GEMIN8: variants seen among roughly 807,000 people sequenced by gnomAD.
GEMIN8 encodes gem-associated protein 8.
For missense variants in GEMIN8, 185 were observed against 205.9 expected (o/e 0.90, Z 0.62); for synonymous variants, 80 against 78.5 (o/e 1.02, Z -0.10).
chrX:14,017,807 C>T, intron 4 of GEMIN8, among the ~76,000 whole-genome samples: 1 of 112,339 alleles, frequency 8.9e-6, no homozygotes, highest in Non-Finnish European at 1.9e-5. Context: ...AATGACCTCA[C>T]TTAACCTCAA....
At chrX:13,984,192 G>A in the GEMIN8 span, among the ~76,000 whole-genome samples, 3 of 111,508 alleles carry the variant, frequency 2.7e-5, no homozygotes, top group African/African-American at 6.5e-5. Flanking sequence ...AGATGAGAAC[G>A]TGGCTCAGCT....
chrX:14,014,422 G>C (rs1205718454), intron 4 of GEMIN8: 1 of 750,581 alleles, frequency 1.3e-6, no homozygotes, highest in Non-Finnish European at 1.6e-6. Flanking sequence ...TGAAGTTACT[G>C]GACAACCGCC....
chrX:14,006,120 C>T (rs991882165), downstream of GEMIN8, among the ~76,000 whole-genome samples: 1 of 108,863 alleles, frequency 9.2e-6, no homozygotes, highest in Admixed American at 9.8e-5. Flanking sequence ...CCTCTGCCTC[C>T]TGGGTTCAAG....
the GEMIN8 span, among the ~76,000 whole-genome samples, chrX:13,986,911 T>C: frequency 3.5e-5 from 4 of 112,700 alleles, no homozygotes; most frequent in African/African-American, 6.4e-5. Context: ...TTCACTAGGC[T>C]CTATTGAAAT....
intron 1 of GEMIN8, among the ~76,000 whole-genome samples, chrX:14,027,703 GTTTAA>G (rs1454643214): frequency 8.9e-6 from 1 of 112,207 alleles, no homozygotes; most frequent in African/African-American, 3.2e-5. Flanking sequence ...GAAGGGCATT[GTTTAA>G]TTTGTCAGCA....
At position 14,029,860 on chromosome X, in the gene GEMIN8, GA is replaced by G. The variant is rs1168405275; in HGVS notation, c.-200del. On this transcript the variant is annotated 5_prime_UTR_variant, in exon 1 of 5. Coordinates refer to ENST00000680255, the MANE Select transcript of GEMIN8 (RefSeq NM_001042479.2). ...TTGGAGAGACAGAGGGGGAGTGGGG[GA>G]CGCGAGGGAGGCGGCTGTTGCCGGG... 2 of 113,435 alleles carry G rather than the reference GA, an allele frequency of 1.8e-5. No individual in the cohort carries two copies. The highest frequency in any genetic ancestry group is 6.4e-5 in the African/African-American group (2 of 31,287). The allele number at this position is 113,435 out of a possible 1,213,427, so 9.3% of individuals were successfully genotyped here.
the GEMIN8 span, among the ~76,000 whole-genome samples, chrX:14,001,522 A>G: frequency 9.0e-6 from 1 of 110,634 alleles, no homozygotes; most frequent in Non-Finnish European, 1.9e-5. Flanking sequence ...TTTCTCCAAC[A>G]TGCGCTTTTT....
At chrX:13,984,480 T>C in the GEMIN8 span, among the ~76,000 whole-genome samples, 46 of 112,390 alleles carry the variant, frequency 4.1e-4, no homozygotes, top group African/African-American at 1.4e-3. Flanking sequence ...ACACAGTCCA[T>C]GCCCATTTCT....
chrX:14,017,354 A>G (rs1394176644), intron 4 of GEMIN8, among the ~76,000 whole-genome samples: 1 of 111,892 alleles, frequency 8.9e-6, no homozygotes, highest in Non-Finnish European at 1.9e-5. Flanking sequence ...CCCTTTTATG[A>G]TGGTTTGCTA....
At chrX:13,992,561 G>A in the GEMIN8 span, among the ~76,000 whole-genome samples, 1 of 111,119 alleles carries the variant, frequency 9.0e-6, no homozygotes, top group Non-Finnish European at 1.9e-5. Flanking sequence ...CAGTGGGGCC[G>A]GAGAGGGACC....
At chrX:14,029,375 T>G (rs1009648636) in intron 1 of GEMIN8, 2 of 112,235 alleles carry the variant, frequency 1.8e-5, no homozygotes, top group African/African-American at 3.2e-5. Flanking sequence ...ATGGGCAAAA[T>G]CCGAATTCAC....
At chrX:14,012,681 T>C (rs1365281317) in intron 4 of GEMIN8, among the ~76,000 whole-genome samples, 1 of 111,948 alleles carries the variant, frequency 8.9e-6, no homozygotes, top group East Asian at 2.8e-4. Context: ...GACTGTCAAA[T>C]GAATGCTCAA....
At chrX:14,012,131 ATTTT>A (rs1169756628) in intron 4 of GEMIN8, among the ~76,000 whole-genome samples, 4 of 97,047 alleles carry the variant, frequency 4.1e-5, no homozygotes, top group Non-Finnish European at 4.2e-5. Flanking sequence ...TTCCTCATGA[ATTTT>A]TTTTTTTTTT....
chrX:13,993,462 A>T, the GEMIN8 span, among the ~76,000 whole-genome samples: 5 of 97,281 alleles, frequency 5.1e-5, no homozygotes, highest in African/African-American at 3.7e-5. Context: ...TTTTTTTTTT[A>T]AAGAGACAGG....
rs1924683699 is a variant in GEMIN8 at position 14,026,223 on chromosome X, T to A, written c.-115-2A>T. ...CTTTTCTCCAATGGGCTGGTGGAGC[T>A]GAAAGAAAAGAGATTGGCAATGTCA... On this transcript the variant is annotated splice_acceptor_variant, in intron 1 of 4. Transcript: ENST00000680255. LOFTEE classifies it low-confidence loss of function (5UTR_SPLICE). 2 of 749,220 alleles carry A rather than the reference T, an allele frequency of 2.7e-6. No homozygotes were observed. Among genetic ancestry groups the A allele is most frequent in the Non-Finnish European group, 3.1e-6 (2 of 635,967 alleles). The allele number at this position is 749,220 out of a possible 1,213,427, so 61.7% of individuals were successfully genotyped here.
chrX:14,009,079 G>A lies in GEMIN8; in HGVS notation c.563C>T (p.Ala188Val). 1 of 1,212,018 alleles carries A rather than the reference G, an allele frequency of 8.3e-7. No individual in the cohort carries two copies. Among genetic ancestry groups the A allele is most frequent in the Non-Finnish European group, 1.1e-6 (1 of 895,313 alleles). The part of the protein sequence containing the change: ...LYCNTRRSVE[A>V]PTERPGERRQ... ...CCGCTCACCAGGCCTCTCAGTTGGG[G>A]CTTCTACCGACCGGCGGGTGTTGCA... Residue 188 changes from alanine to valine, a missense_variant, in exon 5 of 5, where the codon GCC becomes GTC. Coordinates refer to ENST00000680255, the MANE Select transcript of GEMIN8 (RefSeq NM_001042479.2).
rs1923346659 is a variant in GEMIN8, at chrX:14,009,060, A to C, written c.582T>G (p.Gly194=). 5 of 1,211,869 alleles carry C rather than the reference A, an allele frequency of 4.1e-6. No homozygotes were observed. Among genetic ancestry groups the C allele is most frequent in the Middle Eastern group, 2.3e-4 (1 of 4,355 alleles). Reference sequence around the variant, plus strand: ...GCTTCATCTCGGCCTGGCGCCGCTCACCAGGCCTCTCAGTTGGGGCTTCTA... The same window carrying C: ...GCTTCATCTCGGCCTGGCGCCGCTCCCCAGGCCTCTCAGTTGGGGCTTCTA... ...RSVEAPTERP[G]ERRQAEMKRL... Residue 194 remains glycine (G), a synonymous_variant, in exon 5 of 5, where the codon GGT becomes GGG. Coordinates refer to ENST00000680255, the MANE Select transcript of GEMIN8 (RefSeq NM_001042479.2).
chrX:14,006,056 T>C (rs1923145742), downstream of GEMIN8, among the ~76,000 whole-genome samples: 2 of 108,740 alleles, frequency 1.8e-5, no homozygotes, highest in South Asian at 4.1e-4. Flanking sequence ...TTTTTTTTTT[T>C]TTCACTCTGT....
At chrX:14,019,648 T>C (rs1924165601) in intron 4 of GEMIN8, among the ~76,000 whole-genome samples, 1 of 111,970 alleles carries the variant, frequency 8.9e-6, no homozygotes, top group Non-Finnish European at 1.9e-5. Flanking sequence ...AGATTTGGTT[T>C]GGATCCTAAC....
Sources: allele counts gnomAD v4.1 joint callset (sites outside exome capture counted in the v4.1 genomes callset), GRCh38; gene constraint gnomAD v4.1.1; transcripts MANE v1.5; gene names NCBI Gene and HGNC (gene_info 2026-07-23, HGNC 2026-07-21).